Variants in ATXN1 observed in about 807,000 individuals in gnomAD.
The protein encoded by ATXN1 is ataxin-1.
A neutral mutation model predicts 56.4 loss-of-function variants in ATXN1; 8 were observed. That is an observed-to-expected ratio of 0.14 (90% CI 0.08 to 0.26). The LOEUF (loss-of-function observed/expected upper bound fraction) is 0.26. ATXN1 is among the 10% of genes least tolerant of loss of function. ATXN1 has a pLI of 1.00. For synonymous variants in ATXN1, 514 were observed against 494.6 expected (o/e 1.04, Z -0.52); for missense variants, 987 against 1,106.5 (o/e 0.89, Z 1.53).
chr6:16,370,237 T>C (rs1319333398), intron 6 of ATXN1, among the ~76,000 whole-genome samples: 2 of 152,162 alleles, frequency 1.3e-5, no homozygotes, highest in Non-Finnish European at 2.9e-5. Context: ...GCTTTGACCC[T>C]GGAGTTGAGA....
intron 6 of ATXN1, among the ~76,000 whole-genome samples, chr6:16,465,805 T>C (rs548753787): frequency 9.2e-5 from 14 of 152,232 alleles, no homozygotes; most frequent in East Asian, 3.9e-4. Context: ...AAGCTCATGA[T>C]GCAATCAAAA....
chr6:16,436,867 A>G (rs1037055615), intron 6 of ATXN1, among the ~76,000 whole-genome samples: 29 of 152,160 alleles, frequency 1.9e-4, no homozygotes, highest in Non-Finnish European at 3.5e-4. Context: ...TGTTGCATGG[A>G]GGAGATATTC....
At chr6:16,419,883 G>A (rs547800902) in intron 6 of ATXN1, among the ~76,000 whole-genome samples, 1 of 152,186 alleles carries the variant, frequency 6.6e-6, no homozygotes, top group African/African-American at 2.4e-5. Context: ...TCAGGGAGGG[G>A]ACGGATGAGG....
intron 4 of ATXN1, among the ~76,000 whole-genome samples, chr6:16,562,701 G>A (rs1006541406): frequency 7.8e-4 from 118 of 151,990 alleles, no homozygotes; most frequent in African/African-American, 2.8e-3. Context: ...AGAAGAACTG[G>A]TGACTAAGAC....
chr6:16,405,411 A>G (rs1025243303), intron 6 of ATXN1, among the ~76,000 whole-genome samples: 3 of 152,062 alleles, frequency 2.0e-5, no homozygotes, highest in Middle Eastern at 3.4e-3. Flanking sequence ...TTCCCATTCC[A>G]CTCAGTCTCA....
chr6:16,535,892 T>C (rs1561744170), intron 4 of ATXN1, among the ~76,000 whole-genome samples: 4 of 152,190 alleles, frequency 2.6e-5, no homozygotes, highest in South Asian at 4.1e-4. Flanking sequence ...TACAGACTAA[T>C]CATTTTGTGG....
intron 5 of ATXN1, among the ~76,000 whole-genome samples, chr6:16,510,541 A>G (rs566146316): frequency 2.6e-5 from 4 of 152,080 alleles, no homozygotes; most frequent in Non-Finnish European, 4.4e-5. Flanking sequence ...TTCAAGACCA[A>G]CCAGAGGAGC....
At chr6:16,672,273 C>A (rs897943779) in intron 2 of ATXN1, among the ~76,000 whole-genome samples, 1 of 152,170 alleles carries the variant, frequency 6.6e-6, no homozygotes, top group African/African-American at 2.4e-5. Context: ...CAAATGTTTT[C>A]TGTGTCATAC....
rs1246684773 is a variant in ATXN1, at chr6:16,584,064, C to T, written c.-361+1716G>A. 5.3e-5 allele frequency among the ~76,000 whole-genome samples: 8 copies of T among 151,430 alleles called. No homozygotes were observed. In the East Asian group the frequency reaches 5.8e-4, roughly 11 times the overall value. ...AAGGGAGAAGGGTACTATTATTATC[C>T]GAATTTTACATGCAAAGTAACTTGC... On this transcript the variant is annotated intron_variant, in intron 4 of 7. Coordinates refer to ENST00000436367, the MANE Select transcript of ATXN1 (RefSeq NM_001128164.2).
At chr6:16,463,052 A>G (rs1760031314) in intron 6 of ATXN1, among the ~76,000 whole-genome samples, 1 of 152,146 alleles carries the variant, frequency 6.6e-6, no homozygotes, top group East Asian at 1.9e-4. Flanking sequence ...CCTAGTAGAT[A>G]CAAAACAGTT....
intron 6 of ATXN1, among the ~76,000 whole-genome samples, chr6:16,374,835 T>A (rs1762111865): frequency 6.6e-6 from 1 of 152,216 alleles, no homozygotes; most frequent in South Asian, 2.1e-4. Context: ...ACAGAATTGC[T>A]GCAGAGTTAC....
At chr6:16,339,137 GCA>G (rs1232849997) in intron 6 of ATXN1, among the ~76,000 whole-genome samples, 8 of 152,058 alleles carry the variant, frequency 5.3e-5, no homozygotes, top group Non-Finnish European at 1.2e-4. Context: ...CTGTCTACCC[GCA>G]CACACACTCA....
Position 16,327,045 on chromosome 6 carries a change from G to T in ATXN1, c.1266C>A (p.Gly422=). The T allele has an allele frequency of 1.9e-6, 3 of 1,614,122 alleles. No individual in the cohort carries two copies. The highest frequency in any genetic ancestry group is 2.5e-6 in the Non-Finnish European group (3 of 1,180,030). Residue 422 remains glycine (G), a synonymous_variant, in exon 7 of 8, where the codon GGC becomes GGA. Coordinates refer to ENST00000436367, the MANE Select transcript of ATXN1 (RefSeq NM_001128164.2). The part of the protein sequence containing the change: ...DKSGLHLGKP[G]HRSYALSPHT... ...GGGGTGAGAGCGCGTAGGACCGGTG[G>T]CCAGGCTTCCCTAAATGCAGGCCAC...
intron 6 of ATXN1, among the ~76,000 whole-genome samples, chr6:16,462,763 GCACCTACTATCC>G (rs1335335250): frequency 6.6e-6 from 1 of 152,052 alleles, no homozygotes; most frequent in Non-Finnish European, 1.5e-5. Context: ...TGCCCCTGGG[GCACCTACTATCC>G]CATCAGTGTA....
At chr6:16,339,806 C>T (rs184524085) in intron 6 of ATXN1, among the ~76,000 whole-genome samples, 11 of 152,186 alleles carry the variant, frequency 7.2e-5, no homozygotes, top group Non-Finnish European at 1.2e-4. Context: ...TTTTTTGAGA[C>T]GGAGTCTCAC....
At chr6:16,392,455 G>C (rs2113523504) in intron 6 of ATXN1, among the ~76,000 whole-genome samples, 1 of 152,062 alleles carries the variant, frequency 6.6e-6, no homozygotes, top group East Asian at 1.9e-4. Flanking sequence ...ATTTATCAAT[G>C]GTTATTTTGT....
intron 7 of ATXN1, among the ~76,000 whole-genome samples, chr6:16,316,992 G>A (rs552662663): frequency 3.3e-4 from 50 of 150,440 alleles, no homozygotes; most frequent in African/African-American, 6.2e-4. Context: ...CTTTCTCAGC[G>A]GAGCCATAGC....
At chr6:16,752,551 A>G (rs1760755200) in intron 2 of ATXN1, among the ~76,000 whole-genome samples, 1 of 152,102 alleles carries the variant, frequency 6.6e-6, no homozygotes, top group Non-Finnish European at 1.5e-5. Flanking sequence ...CTATTTCACA[A>G]TCTCCCTTGG....
chr6:16,752,130 CA>C (rs1436845471), intron 2 of ATXN1, among the ~76,000 whole-genome samples: 1 of 152,114 alleles, frequency 6.6e-6, no homozygotes, highest in Non-Finnish European at 1.5e-5. Context: ...GCTCTTTCTT[CA>C]AAGAAATCTG....
Sources: allele counts gnomAD v4.1 joint callset (sites outside exome capture counted in the v4.1 genomes callset), GRCh38; gene constraint gnomAD v4.1.1; transcripts MANE v1.5; gene names NCBI Gene and HGNC (gene_info 2026-07-23, HGNC 2026-07-21).